FCSK: variants seen among roughly 807,000 people sequenced by gnomAD.
FCSK encodes fucose kinase.
A neutral mutation model predicts 122.5 loss-of-function variants in FCSK; 123 were observed. That is an observed-to-expected ratio of 1.00 (90% CI 0.87 to 1.17). The LOEUF (loss-of-function observed/expected upper bound fraction) is 1.17. Among genes scored for constraint, FCSK ranks in the 50% most tolerant of loss-of-function variants. The pLI is 0.00. For synonymous variants in FCSK, 620 were observed against 625.5 expected (o/e 0.99, Z 0.13); for missense variants, 1,366 against 1,450.4 (o/e 0.94, Z 0.95).
At chr16:70,478,484 G>A in intron 21 of FCSK, 25 bp downstream of exon 21, 1 of 1,613,570 alleles carries the variant, frequency 6.2e-7, no homozygotes, top group Non-Finnish European at 8.5e-7. Context: ...CAGCATGAGG[G>A]AGGCAGGCAG....
Position 70,474,891 on chromosome 16 carries a change from C to T in FCSK, c.2257C>T (p.Arg753Cys), listed in dbSNP as rs766513725. The change falls in exon 18 of 24, where the codon CGC becomes TGC. Residue 753 changes from arginine to cysteine, a missense_variant. Coordinates refer to ENST00000288078, the MANE Select transcript of FCSK (RefSeq NM_145059.3). ...DGRRPIGARA[R>C]RIPEPELWLA... ...CCGCCGGCCCATCGGAGCCAGGGCA[C>T]GCCGCATCCCGGAGCCTGAGCTGTG... 1.2e-5 allele frequency: 20 copies of T among 1,606,470 alleles called. No homozygotes were observed. Among genetic ancestry groups the T allele is most frequent in the Middle Eastern group, 3.4e-4 (2 of 5,938 alleles).
intron 22 of FCSK, 70 bp downstream of exon 22, chr16:70,478,720 AG>A: frequency 1.6e-6 from 2 of 1,290,044 alleles, no homozygotes; most frequent in Non-Finnish European, 2.2e-6. Flanking sequence ...GTTTGAGGCC[AG>A]GGTCATCTGC....
In FCSK at chr16:70,472,618, C is replaced by T. The variant is rs768443809; in HGVS notation, c.1406+13C>T. ...GGACAGGTGTTCGGTAAGGTGGACACCCCTAGGGCCTCTGTGGGCCTGGGC... is the reference window on the plus strand; with the variant it reads ...GGACAGGTGTTCGGTAAGGTGGACATCCCTAGGGCCTCTGTGGGCCTGGGC... On this transcript the variant is annotated intron_variant, in intron 14 of 23. Coordinates refer to ENST00000288078, the MANE Select transcript of FCSK (RefSeq NM_145059.3). The T allele has an allele frequency of 3.1e-6, 5 of 1,605,928 alleles. No homozygotes were observed. The highest frequency in any genetic ancestry group is 4.3e-6 in the Non-Finnish European group (5 of 1,174,382).
rs1199912531 is a variant in FCSK at position 70,470,326 on chromosome 16, G to T, written c.968G>T (p.Ser323Ile). The change falls in exon 11 of 24, where the codon AGC becomes ATC. Residue 323 changes from serine to isoleucine, a missense_variant. Physicochemically the swap from Ser to Ile is moderately radical, Grantham distance 142. Transcript: ENST00000288078. Reference sequence around the variant, plus strand: ...TATGTCTTTACAGCCTATGTCTCCAGCGGCAGCTACAGCTACATGACCTCC... The same window carrying T: ...TATGTCTTTACAGCCTATGTCTCCATCGGCAGCTACAGCTACATGACCTCC... The part of the protein sequence containing the change: ...DQPLTMAYVS[S>I]GSYSYMTSSA... 6.2e-7 allele frequency: 1 copy of T among 1,612,792 alleles called. No individual in the cohort carries two copies. Among genetic ancestry groups the T allele is most frequent in the African/African-American group, 1.3e-5 (1 of 74,908 alleles).
rs753984905 is a variant in FCSK at position 70,465,059 on chromosome 16, T to G, written c.235-67T>G. 1.9e-6 allele frequency: 3 copies of G among 1,597,088 alleles called. No homozygotes were observed. The East Asian group carries it at 6.7e-5, about 36-fold the overall frequency. On this transcript the variant is annotated intron_variant, in intron 3 of 23. Coordinates refer to ENST00000288078, the MANE Select transcript of FCSK (RefSeq NM_145059.3). ...TTTGTGTTGGAGTCTCTCTCTGGAT[T>G]CGAGGGTGCCATCCTCCAGGGCGTC...
At chr16:70,461,235 C>T (rs968321895) in intron 1 of FCSK, among the ~76,000 whole-genome samples, 60 of 152,282 alleles carry the variant, frequency 3.9e-4, no homozygotes, top group African/African-American at 1.2e-3. Context: ...GATGTGTGCT[C>T]AGGGCGCAGC....
chr16:70,471,956 C>T (rs188855819), intron 13 of FCSK, among the ~76,000 whole-genome samples: 30 of 152,200 alleles, frequency 2.0e-4, no homozygotes, highest in Admixed American at 7.9e-4. Context: ...CAGGCGCCCA[C>T]CACCACGCCT....
At chr16:70,460,403 G>C (rs2048229483) in intron 1 of FCSK, among the ~76,000 whole-genome samples, 2 of 147,242 alleles carry the variant, frequency 1.4e-5, no homozygotes, top group Admixed American at 1.4e-4. Flanking sequence ...GAGCCACCGT[G>C]CCTGGACTTC....
intron 18 of FCSK, 71 bp downstream of exon 18, chr16:70,475,082 A>G (rs1315386722): frequency 7.1e-7 from 1 of 1,405,648 alleles, no homozygotes; most frequent in Non-Finnish European, 9.6e-7. Context: ...TAGAGACTGC[A>G]GGCCAGTGGG....
chr16:70,478,962 T>C (rs1567715660), intron 22 of FCSK: 1 of 672,800 alleles, frequency 1.5e-6, no homozygotes, highest in African/African-American at 1.8e-5. Context: ...CACAGCTCCC[T>C]AGATGCCGAC....
intron 3 of FCSK, among the ~76,000 whole-genome samples, chr16:70,464,642 G>C (rs1206220163): frequency 7.4e-6 from 1 of 134,496 alleles, no homozygotes; most frequent in Non-Finnish European, 1.5e-5. Flanking sequence ...TGCCATTGCA[G>C]TGAGCTGAGA....
At chr16:70,460,257 A>G (rs1194078012) in intron 1 of FCSK, among the ~76,000 whole-genome samples, 1 of 150,640 alleles carries the variant, frequency 6.6e-6, no homozygotes. Flanking sequence ...GACTACAGGC[A>G]CCCGCCACCA....
At position 70,479,710 on chromosome 16, in the gene FCSK, C is replaced by A; in HGVS notation, c.*30C>A. 6.4e-7 allele frequency: 1 copy of A among 1,573,286 alleles called. No individual in the cohort carries two copies. The highest frequency in any genetic ancestry group is 1.1e-5 in the South Asian group (1 of 89,452). On this transcript the variant is annotated 3_prime_UTR_variant, in exon 24 of 24. Transcript: ENST00000288078. ...GGCTTCTCTCTGCAACAGGAGAAAACCTGGAGCTACAGTGTCCCCCACCTT... is the reference window on the plus strand; with the variant it reads ...GGCTTCTCTCTGCAACAGGAGAAAAACTGGAGCTACAGTGTCCCCCACCTT...
intron 9 of FCSK, 46 bp downstream of exon 9, chr16:70,469,014 G>T: frequency 1.2e-6 from 2 of 1,609,314 alleles, no homozygotes; most frequent in South Asian, 1.1e-5. Context: ...TGGGGGCGAG[G>T]CACTGTGTGA....
At chr16:70,467,285 G>A (rs944181148) in intron 6 of FCSK, 89 bp from the exon 7 acceptor site, 10 of 862,500 alleles carry the variant, frequency 1.2e-5, no homozygotes, top group East Asian at 2.7e-5. Context: ...CCCAGGTGCC[G>A]CAGCCCTGGG....
intron 1 of FCSK, among the ~76,000 whole-genome samples, chr16:70,460,138 G>T (rs1307368801): frequency 1.7e-5 from 2 of 119,556 alleles, no homozygotes; most frequent in East Asian, 4.8e-4. Context: ...ACGGTGTCTC[G>T]CTCTGTCGCC....
chr16:70,465,311 G>C (rs2048383785), intron 4 of FCSK, 135 bp downstream of exon 4: 1 of 873,690 alleles, frequency 1.1e-6, no homozygotes, highest in Non-Finnish European at 1.7e-6. Context: ...TCCAAAAATT[G>C]GGAAATGGCT....
chr16:70,463,347 C>A, intron 2 of FCSK, 75 bp downstream of exon 2: 1 of 1,319,268 alleles, frequency 7.6e-7, no homozygotes, highest in Non-Finnish European at 1.1e-6. Context: ...CCTCCAACAC[C>A]AGGTGCCAGG....
intron 1 of FCSK, among the ~76,000 whole-genome samples, chr16:70,457,088 C>T (rs1367937234): frequency 6.6e-6 from 1 of 151,988 alleles, no homozygotes; most frequent in African/African-American, 2.4e-5. Flanking sequence ...GAGATGGGGA[C>T]AGAGCCTTTT....
Sources: gnomAD v4.1 joint callset for allele counts (sites outside exome capture counted in the v4.1 genomes callset) on GRCh38, gnomAD v4.1.1 for gene constraint, MANE v1.5 for transcripts, NCBI Gene and HGNC (gene_info 2026-07-23, HGNC 2026-07-21) for gene names.